HK1: variants seen among roughly 807,000 people sequenced by gnomAD.
HK1 encodes the protein hexokinase 1.
In HK1, 28 loss-of-function variants were observed where a neutral mutation model predicts 91.6. The observed-to-expected ratio is 0.31, with a 90% CI of 0.23 to 0.42. The LOEUF (loss-of-function observed/expected upper bound fraction) is 0.42. HK1 is among the 10% of genes least tolerant of loss of function. The probability of loss-of-function intolerance (pLI) is 1.00; values close to 1 mark genes in which losing one functional copy is unlikely to be tolerated. For missense variants in HK1, 770 were observed against 1,219.8 expected, an observed-to-expected ratio of 0.63 and a Z score of 5.49; for synonymous variants, 430 against 468.1, an observed-to-expected ratio of 0.92 and a Z score of 1.05.
intron 1 of HK1, among the ~76,000 whole-genome samples, chr10:69,275,869 C>T (rs763786285): frequency 2.0e-5 from 3 of 151,334 alleles, no homozygotes; most frequent in Admixed American, 6.6e-5. Flanking sequence ...GCAGGTGGAT[C>T]GCCTGAGGTC....
chr10:69,361,474 C>T (rs1206782255), intron 3 of HK1, among the ~76,000 whole-genome samples: 1 of 152,240 alleles, frequency 6.6e-6, no homozygotes, highest in Non-Finnish European at 1.5e-5. Context: ...TGGCCTATCA[C>T]TCTGTTTCCC....
chr10:69,303,842 T>G (rs538865925), intron 5 of HK1, among the ~76,000 whole-genome samples: 2 of 152,326 alleles, frequency 1.3e-5, no homozygotes, highest in South Asian at 4.2e-4. Context: ...TCAGTCTCCT[T>G]GAGCATTTGG....
At chr10:69,319,821 G>A (rs1173747685) in intron 1 of HK1, among the ~76,000 whole-genome samples, 3 of 152,194 alleles carry the variant, frequency 2.0e-5, no homozygotes, top group South Asian at 4.1e-4. Flanking sequence ...GGTCTTAAAG[G>A]TGTATTTGTC....
intron 2 of HK1, among the ~76,000 whole-genome samples, chr10:69,358,461 C>A (rs1312692687): frequency 6.6e-6 from 1 of 152,324 alleles, no homozygotes; most frequent in South Asian, 2.1e-4. Flanking sequence ...CCAAGAGGGA[C>A]TTCTGTTAAA....
chr10:69,339,179 C>T (rs770745296), intron 1 of HK1, among the ~76,000 whole-genome samples: 10 of 152,182 alleles, frequency 6.6e-5, no homozygotes, highest in East Asian at 3.8e-4. Context: ...CCAGTGCCTC[C>T]GGGCCACTTA....
upstream of HK1, among the ~76,000 whole-genome samples, chr10:69,313,959 A>C (rs10998710): frequency 0.097 from 14,774 of 152,146 alleles, 1,425 homozygotes; most frequent in East Asian, 0.57. Flanking sequence ...GGGCAAATGA[A>C]AGAGAAAAGG....
intron 1 of HK1, among the ~76,000 whole-genome samples, chr10:69,322,100 T>C (rs772271913): frequency 4.6e-5 from 7 of 152,184 alleles, no homozygotes; most frequent in Non-Finnish European, 1.0e-4. Flanking sequence ...GGGTGAAGGA[T>C]TGCATAGTGC....
At chr10:69,325,379 A>G (rs1037207596) in intron 1 of HK1, among the ~76,000 whole-genome samples, 1 of 137,002 alleles carries the variant, frequency 7.3e-6, no homozygotes. Context: ...TTTTTTTGAG[A>G]TGGAGTTCTG....
intron 3 of HK1, chr10:69,292,407 G>T (rs562330922): frequency 2.1e-5 from 9 of 434,360 alleles, no homozygotes; most frequent in African/African-American, 1.4e-4. Context: ...GACAAGAAGT[G>T]CTGGAAAGAT....
At chr10:69,386,497 A>G (rs1463559897) in intron 13 of HK1, 79 bp downstream of exon 13, 3 of 1,201,886 alleles carry the variant, frequency 2.5e-6, no homozygotes, top group Non-Finnish European at 3.6e-6. Flanking sequence ...GTTGTAAAGA[A>G]TTCAGGCCAG....
chr10:69,329,456 C>T (rs767952952), intron 1 of HK1, among the ~76,000 whole-genome samples: 24 of 152,232 alleles, frequency 1.6e-4, no homozygotes, highest in African/African-American at 1.7e-4. Context: ...CCACCGCGCC[C>T]GGCCAGACAT....
intron 2 of HK1, among the ~76,000 whole-genome samples, chr10:69,344,460 A>T (rs1483321294): frequency 6.6e-6 from 1 of 152,214 alleles, no homozygotes; most frequent in African/African-American, 2.4e-5. Context: ...ATCCTAATGG[A>T]CAGGTGGGTC....
At chr10:69,271,653 A>C (rs1844174996) in intron 1 of HK1, among the ~76,000 whole-genome samples, 1 of 150,408 alleles carries the variant, frequency 6.6e-6, no homozygotes, top group Non-Finnish European at 1.5e-5. Context: ...AATTTTTTGC[A>C]TTTTTATTAG....
intron 3 of HK1, among the ~76,000 whole-genome samples, chr10:69,362,434 G>GT (rs34834335): frequency 0.022 from 2,979 of 135,430 alleles, 34 homozygotes; most frequent in South Asian, 0.065. Flanking sequence ...AGAAAATAAT[G>GT]TTTTTTTTTT....
rs114194006 is a variant in HK1, at chr10:69,345,528, G to C, written c.226+1539G>C. Among the ~76,000 whole-genome samples, 1,358 of 152,284 alleles carry C rather than the reference G, an allele frequency of 8.9e-3. 12 individuals are homozygous for C. Among genetic ancestry groups the C allele is most frequent in the African/African-American group, 0.027 (1,110 of 41,550 alleles). On this transcript the variant is annotated intron_variant, in intron 2 of 17. Coordinates refer to ENST00000359426, the MANE Select transcript of HK1 (RefSeq NM_000188.3). ...AGAGGCATGGCTCTGACTGCTTCCA[G>C]CTGAGAGAAGAGGAAGGAGCGGGGA...
intron 2 of HK1, chr10:69,288,540 A>C: frequency 1.5e-6 from 1 of 645,730 alleles, no homozygotes; most frequent in Non-Finnish European, 2.8e-6. Context: ...GGGTTTACGA[A>C]TACTCTAGAA....
At chr10:69,351,994 AAT>A (rs1491144732) in intron 2 of HK1, among the ~76,000 whole-genome samples, 1 of 146,896 alleles carries the variant, frequency 6.8e-6, no homozygotes, top group East Asian at 2.0e-4. Context: ...CAGTTATTTC[AAT>A]TTTTTTTTTT....
intron 15 of HK1, among the ~76,000 whole-genome samples, chr10:69,392,678 C>A (rs1367693110): frequency 6.6e-6 from 1 of 152,160 alleles, no homozygotes; most frequent in African/African-American, 2.4e-5. Context: ...CTGTCGCAAT[C>A]GTCCTTTCCT....
intron 1 of HK1, among the ~76,000 whole-genome samples, chr10:69,328,965 T>C (rs1176655794): frequency 1.3e-5 from 2 of 152,238 alleles, no homozygotes; most frequent in Non-Finnish European, 2.9e-5. Context: ...GGTTCATCCA[T>C]GTAGTAGCAT....
Sources: allele counts gnomAD v4.1 joint callset (sites outside exome capture counted in the v4.1 genomes callset), GRCh38; gene constraint gnomAD v4.1.1; transcripts MANE v1.5; gene names NCBI Gene and HGNC (gene_info 2026-07-23, HGNC 2026-07-21).